ANKRD26: variants seen among roughly 807,000 people sequenced by gnomAD.
ANKRD26 encodes ankyrin repeat domain-containing protein 26.
ANKRD26 carries 141 observed loss-of-function variants against 208.7 expected under a neutral mutation model. That is an observed-to-expected ratio of 0.68 (90% CI 0.59 to 0.78). The LOEUF (loss-of-function observed/expected upper bound fraction) is 0.78, where lower values mean the gene tolerates loss of function less well. Ranked by LOEUF, ANKRD26 falls within the 30% of genes least tolerant of loss-of-function variation. ANKRD26 has a pLI of 0.00. For missense variants in ANKRD26, 1,889 were observed against 1,938.7 expected (o/e 0.97, Z 0.48); for synonymous variants, 636 against 660.4 (o/e 0.96, Z 0.57).
At chr10:27,062,169 T>A in intron 12 of ANKRD26, 1 of 984,598 alleles carries the variant, frequency 1.0e-6, no homozygotes, top group Non-Finnish European at 1.2e-6. Flanking sequence ...TATATTCTTT[T>A]TATGGAACAT....
At chr10:26,989,944 A>T (rs899072581), downstream of ANKRD26, among the ~76,000 whole-genome samples, 4 of 152,178 alleles carry the variant, frequency 2.6e-5, no homozygotes, top group African/African-American at 9.6e-5. Flanking sequence ...AATTCTGAAG[A>T]TTTCTTTAAG....
At chr10:27,065,187 C>T (rs1467366845) in intron 11 of ANKRD26, among the ~76,000 whole-genome samples, 1 of 152,152 alleles carries the variant, frequency 6.6e-6, no homozygotes, top group Non-Finnish European at 1.5e-5. Context: ...CAAACTCCCT[C>T]AATTTTCTCT....
chr10:27,034,135 A>C (rs1254486159), intron 24 of ANKRD26, among the ~76,000 whole-genome samples: 1 of 152,248 alleles, frequency 6.6e-6, no homozygotes, highest in Non-Finnish European at 1.5e-5. Context: ...GGGGAGATTA[A>C]GTCAAATATG....
chr10:27,011,744 G>A (rs1339311847), intron 32 of ANKRD26, among the ~76,000 whole-genome samples: 2 of 152,162 alleles, frequency 1.3e-5, no homozygotes, highest in Non-Finnish European at 2.9e-5. Flanking sequence ...GGGGAGATGA[G>A]GACCCTGTGA....
At chr10:27,044,603 C>T (rs1260225147) in intron 18 of ANKRD26, among the ~76,000 whole-genome samples, 1 of 151,624 alleles carries the variant, frequency 6.6e-6, no homozygotes, top group Non-Finnish European at 1.5e-5. Context: ...TTACTTAACA[C>T]CCTTACATGA....
At chr10:27,087,547 T>C (rs2056164218) in intron 4 of ANKRD26, among the ~76,000 whole-genome samples, 1 of 152,244 alleles carries the variant, frequency 6.6e-6, no homozygotes, top group Non-Finnish European at 1.5e-5. Context: ...TCCCAGTGAA[T>C]TTCATAATTT....
rs74128529 is a variant in ANKRD26, at chr10:27,014,732, A to G, written c.4507-21T>C. 785 of 1,591,524 alleles carry G rather than the reference A, an allele frequency of 4.9e-4. 5 individuals are homozygous for G. The African/African-American group carries it at 8.6e-3, about 17-fold the overall frequency. ...TGTGCCTAAAACAAATTAAAAGCAT[A>G]TGTTTTAAAAATATATAACCTGAGT... is the stretch of plus-strand genomic sequence containing the variant. On this transcript the variant is annotated intron_variant, in intron 30 of 33. Coordinates refer to ENST00000376087, the MANE Select transcript of ANKRD26 (RefSeq NM_014915.3).
chr10:27,079,582 G>A (rs1487153822), intron 6 of ANKRD26, among the ~76,000 whole-genome samples: 9 of 152,194 alleles, frequency 5.9e-5, no homozygotes, highest in Non-Finnish European at 7.3e-5. Context: ...GATCAGATGC[G>A]GTGGCTCGTG....
At chr10:26,951,491 GTTC>G in the ANKRD26 span, among the ~76,000 whole-genome samples, 2 of 152,142 alleles carry the variant, frequency 1.3e-5, no homozygotes, top group East Asian at 3.9e-4. Flanking sequence ...AAATATTTTA[GTTC>G]TTGTTGCTCT....
chr10:27,049,939 T>C (rs886440108), intron 16 of ANKRD26, among the ~76,000 whole-genome samples: 3 of 152,014 alleles, frequency 2.0e-5, no homozygotes, highest in Non-Finnish European at 4.4e-5. Flanking sequence ...AAGAAGAATA[T>C]TGGCCGGGCG....
At position 27,058,011 on chromosome 10, in the gene ANKRD26, T is replaced by A. The variant is rs151212883; in HGVS notation, c.1564+2334A>T. Among the ~76,000 whole-genome samples, 103 of 150,710 alleles carry A rather than the reference T, an allele frequency of 6.8e-4. 1 individual carries two copies. The highest frequency in any genetic ancestry group is 2.4e-3 in the African/African-American group (100 of 41,124). ...CTAATTGTTCCCACGTGAAAATAAA[T>A]CTAGGTGCACACTTGATCCAGAGAG... is the stretch of plus-strand genomic sequence containing the variant. On this transcript the variant is annotated intron_variant, in intron 15 of 33. Coordinates refer to ENST00000376087, the MANE Select transcript of ANKRD26 (RefSeq NM_014915.3).
chr10:27,022,584 T>C lies in ANKRD26; in HGVS notation c.4189A>G (p.Ile1397Val). The change falls in exon 29 of 34, where the codon ATT becomes GTT. Residue 1397 changes from isoleucine to valine, a missense_variant. Physicochemically the swap from Ile to Val is conservative, Grantham distance 29 (BLOSUM62 3). Transcript: ENST00000376087. ...DLKTSQFEMD[I>V]QINKLKHKID... ...TTATGTTTTAGCTTATTAATCTGAA[T>C]ATCCATTTCAAATTGACTAGTTTTT... is the stretch of plus-strand genomic sequence containing the variant. 1.3e-6 allele frequency: 2 copies of C among 1,538,998 alleles called. No homozygotes were observed. Among genetic ancestry groups the C allele is most frequent in the Non-Finnish European group, 8.9e-7 (1 of 1,117,772 alleles).
chr10:27,028,585 C>CAAAAAAAAAAAAAAAAAAAAAAAAAAA (rs11294303), intron 27 of ANKRD26, among the ~76,000 whole-genome samples: 6 of 76,090 alleles, frequency 7.9e-5, no homozygotes, highest in African/African-American at 2.3e-4. Context: ...GACTCCATCT[C>CAAAAAAAAAAAAAAAAAAAAAAAAAAA]AAAAAAAAAA....
chr10:27,043,569 T>C lies in ANKRD26; in HGVS notation c.2020-2A>G. 1 of 1,612,214 alleles carries C rather than the reference T, an allele frequency of 6.2e-7. No individual in the cohort carries two copies. The highest frequency in any genetic ancestry group is 8.5e-7 in the Non-Finnish European group (1 of 1,178,458). On this transcript the variant is annotated splice_acceptor_variant, in intron 19 of 33. Transcript: ENST00000376087. LOFTEE classifies it high-confidence loss of function. ...CATAGACTGTATTTGGTTTTTGACCTATGAAATAAATAACACTGTTTCAAA... is the reference window on the plus strand; with the variant it reads ...CATAGACTGTATTTGGTTTTTGACCCATGAAATAAATAACACTGTTTCAAA...
At chr10:27,037,807 A>C in intron 22 of ANKRD26, 64 bp downstream of exon 22, 1 of 1,278,672 alleles carries the variant, frequency 7.8e-7, no homozygotes, top group Non-Finnish European at 1.1e-6. Flanking sequence ...TTAAATCAAA[A>C]GGATGTGATA....
At chr10:27,090,592 A>T (rs568593142) in intron 4 of ANKRD26, among the ~76,000 whole-genome samples, 8 of 152,252 alleles carry the variant, frequency 5.3e-5, no homozygotes, top group Non-Finnish European at 1.0e-4. Flanking sequence ...CACCAAGGCT[A>T]AAAGGAAGGG....
At chr10:27,066,431 T>C (rs749109524) in intron 11 of ANKRD26, 56 bp downstream of exon 11, 4 of 1,378,670 alleles carry the variant, frequency 2.9e-6, no homozygotes, top group Non-Finnish European at 4.1e-6. Flanking sequence ...CTCTTTATGT[T>C]TTAACATCAC....
chr10:27,072,901 T>C (rs952732435), intron 9 of ANKRD26, among the ~76,000 whole-genome samples: 6 of 152,134 alleles, frequency 3.9e-5, no homozygotes, highest in African/African-American at 1.4e-4. Flanking sequence ...CTTCCCACCC[T>C]ATCAGAGCAG....
At position 27,035,334 on chromosome 10, in the gene ANKRD26, T is replaced by C. The variant is rs1179624006; in HGVS notation, c.3116A>G (p.Asp1039Gly). ...TTTGTCCTGTAAACGAGAACATTCATCTCTTGCTCTCTGGAAAGCAAGTTC... is the reference window on the plus strand; with the variant it reads ...TTTGTCCTGTAAACGAGAACATTCACCTCTTGCTCTCTGGAAAGCAAGTTC... ...ELELAFQRAR[D>G]ECSRLQDKMN... Residue 1039 changes from aspartate (D) to glycine (G), a missense_variant, in exon 24 of 34, where the codon GAT (aspartate) becomes GGT (glycine). Physicochemically the swap from Asp to Gly is moderately conservative, Grantham distance 94. This residue lies in a region of ANKRD26 where 1,272 missense variants were observed against 1,273.8 expected (regional missense o/e 1.00). Transcript: ENST00000376087. 1 of 1,613,994 alleles carries C rather than the reference T, an allele frequency of 6.2e-7. No individual in the cohort carries two copies. Among genetic ancestry groups the C allele is most frequent in the East Asian group, 2.2e-5 (1 of 44,866 alleles).
Sources: allele counts gnomAD v4.1 joint callset (sites outside exome capture counted in the v4.1 genomes callset), GRCh38; gene constraint gnomAD v4.1.1; regional missense constraint gnomAD v4.1.1; transcripts MANE v1.5; gene names NCBI Gene and HGNC (gene_info 2026-07-23, HGNC 2026-07-21).